The following CENPP variants were observed in gnomAD, a reference collection of about 807,000 sequenced individuals.
CENPP encodes centromere protein P.
Under a neutral mutation model 35.6 loss-of-function variants are expected in CENPP, and 24 were observed. The ratio of observed to expected loss-of-function variants is 0.67; its 90% confidence interval spans 0.49 to 0.95. CENPP has a LOEUF of 0.95. Among genes scored for constraint, CENPP ranks in the 40% least tolerant of loss-of-function variants. The pLI is 0.00. For missense variants in CENPP, 332 were observed against 345.3 expected (o/e 0.96, Z 0.31); for synonymous variants, 120 against 125.5 (o/e 0.96, Z 0.29).
chr9:92,469,178 C>T (rs1564338387), intron 5 of CENPP, among the ~76,000 whole-genome samples: 1 of 151,600 alleles, frequency 6.6e-6, no homozygotes, highest in East Asian at 1.9e-4. Context: ...TCCATTGTGT[C>T]ATTTCTGACT....
intron 5 of CENPP, among the ~76,000 whole-genome samples, chr9:92,606,040 C>A (rs112058985): frequency 0.036 from 5,453 of 152,208 alleles, 153 homozygotes; most frequent in Non-Finnish European, 0.053. Flanking sequence ...GCAGGCAGAT[C>A]CCTTGAGCCC....
chr9:92,611,508 C>T (rs2296669), intron 6 of CENPP, 115 bp downstream of exon 6: 224,385 of 767,958 alleles, frequency 0.29, 39,110 homozygotes, highest in African/African-American at 0.66. Flanking sequence ...AACTAAAGGT[C>T]GTCGGTTGGA....
intron 5 of CENPP, among the ~76,000 whole-genome samples, chr9:92,546,381 T>G (rs1477259597): frequency 6.6e-6 from 1 of 152,174 alleles, no homozygotes; most frequent in Non-Finnish European, 1.5e-5. Flanking sequence ...TTGCAATAAA[T>G]CTTGCTGCTG....
intron 5 of CENPP, among the ~76,000 whole-genome samples, chr9:92,499,473 G>A (rs1247713512): frequency 6.6e-6 from 1 of 152,186 alleles, no homozygotes; most frequent in East Asian, 1.9e-4. Context: ...ACATTCATCT[G>A]TGAGTGAAAC....
intron 5 of CENPP, among the ~76,000 whole-genome samples, chr9:92,599,037 T>C (rs1588307166): frequency 6.6e-6 from 1 of 151,370 alleles, no homozygotes; most frequent in African/African-American, 2.4e-5. Flanking sequence ...GAGGCGGAGG[T>C]TGCAGTGAAC....
intron 5 of CENPP, among the ~76,000 whole-genome samples, chr9:92,555,262 T>C (rs1276747609): frequency 7.0e-6 from 1 of 141,952 alleles, no homozygotes; most frequent in Non-Finnish European, 1.5e-5. Flanking sequence ...AGTTTCGCTC[T>C]TGTTGTCCAA....
chr9:92,612,403 T>G, intron 6 of CENPP, 120 bp from the exon 7 acceptor site: 2 of 728,262 alleles, frequency 2.7e-6, no homozygotes, highest in Non-Finnish European at 2.4e-6. Context: ...TGGCTGTGGA[T>G]TGGGGTTTCT....
intron 5 of CENPP, among the ~76,000 whole-genome samples, chr9:92,464,480 C>G (rs1453337722): frequency 6.6e-6 from 1 of 152,240 alleles, no homozygotes; most frequent in Admixed American, 6.5e-5. Context: ...AATGGCATGT[C>G]CATTCCTGCC....
intron 5 of CENPP, among the ~76,000 whole-genome samples, chr9:92,607,171 G>T (rs554245181): frequency 1.3e-5 from 2 of 151,828 alleles, no homozygotes; most frequent in Non-Finnish European, 2.9e-5. Flanking sequence ...GTAAATTTTT[G>T]TATTTGGTGT....
intron 5 of CENPP, among the ~76,000 whole-genome samples, chr9:92,573,022 T>C (rs977138828): frequency 2.0e-5 from 3 of 152,180 alleles, no homozygotes; most frequent in African/African-American, 4.8e-5. Flanking sequence ...TTAGCTTCTT[T>C]GCGATGGGTT....
At chr9:92,439,513 C>T (rs905955776) in intron 5 of CENPP, among the ~76,000 whole-genome samples, 19 of 152,150 alleles carry the variant, frequency 1.2e-4, no homozygotes, top group Admixed American at 3.9e-4. Flanking sequence ...AGGCCCTGGC[C>T]ACAGCTTTTC....
At position 92,345,718 on chromosome 9, in the gene CENPP, C is replaced by T. The variant is rs1841274267; in HGVS notation, c.398C>T (p.Ser133Phe). The T allele has an allele frequency of 1.9e-6, 3 of 1,587,378 alleles. No homozygotes were observed. Among genetic ancestry groups the T allele is most frequent in the African/African-American group, 1.3e-5 (1 of 74,428 alleles). Residue 133 changes from serine to phenylalanine, a missense_variant, in exon 4 of 8, where the codon TCT becomes TTT. Physicochemically the swap from Ser to Phe is radical, Grantham distance 155. Coordinates refer to ENST00000375587, the MANE Select transcript of CENPP (RefSeq NM_001012267.3). Reference sequence around the variant, plus strand: ...TTTTAGAATAAGGAGAGATTATCTTCTGCTGTTACTGACCTCAACATAATA... The same window carrying T: ...TTTTAGAATAAGGAGAGATTATCTTTTGCTGTTACTGACCTCAACATAATA... ...LEIQNKERLS[S>F]AVTDLNIIME...
intron 5 of CENPP, among the ~76,000 whole-genome samples, chr9:92,493,011 C>T (rs1337963014): frequency 6.6e-6 from 1 of 152,226 alleles, no homozygotes; most frequent in Non-Finnish European, 1.5e-5. Flanking sequence ...GAAGGAAAAA[C>T]AGGCAGCCTC....
At position 92,476,940 on chromosome 9, in the gene CENPP, T is replaced by C. The variant is rs1361191195; in HGVS notation, c.564+97081T>C. ...GGGCATACTCTGTCATTTTTTCTTA[T>C]CTAACCAGTATACAAATTACTGTTC... is the stretch of plus-strand genomic sequence containing the variant. On this transcript the variant is annotated intron_variant, in intron 5 of 7. Transcript: ENST00000375587. This position sits in a 1 kb window ranked among gnomAD's most constrained non-coding sequence, Gnocchi z 4.1. Among the ~76,000 whole-genome samples, 2 of 152,234 alleles carry C rather than the reference T, an allele frequency of 1.3e-5. No individual in the cohort carries two copies. The highest frequency in any genetic ancestry group is 4.8e-5 in the African/African-American group (2 of 41,462).
intron 4 of CENPP, among the ~76,000 whole-genome samples, chr9:92,355,371 G>GA (rs1554753366): frequency 1.4e-5 from 2 of 146,226 alleles, no homozygotes; most frequent in African/African-American, 5.0e-5. Context: ...TTGCATGTCT[G>GA]TTTTTTTTTT....
chr9:92,490,629 T>C (rs1341444877), intron 5 of CENPP, among the ~76,000 whole-genome samples: 1 of 152,240 alleles, frequency 6.6e-6, no homozygotes, highest in East Asian at 1.9e-4. Context: ...TATTTCATTC[T>C]TTTAAGTCAG....
chr9:92,586,518 T>C (rs386471162), intron 5 of CENPP, among the ~76,000 whole-genome samples: 1 of 152,072 alleles, frequency 6.6e-6, no homozygotes, highest in Non-Finnish European at 1.5e-5. Context: ...AAGAGTACAA[T>C]ATACGTGCCC....
chr9:92,617,772 C>G lies in CENPP; in HGVS notation c.*4623C>G, dbSNP rs919005177. 2 of 174,940 alleles carry G rather than the reference C, an allele frequency of 1.1e-5. No individual in the cohort carries two copies. The highest frequency in any genetic ancestry group is 1.1e-4 in the Admixed American group (2 of 18,182). The allele number at this position is 174,940 out of a possible 1,614,324, so 10.8% of individuals were successfully genotyped here. A position where few individuals can be genotyped will look rare whatever the true frequency, so the allele number is the denominator to read the frequency against. ...TCAAATGGGAGGTCGAGAGGAGCAT[C>G]AGGGTTTAGGCCGGGAAGCTGTGGC... On this transcript the variant is annotated 3_prime_UTR_variant, in exon 8 of 8. Coordinates refer to ENST00000375587, the MANE Select transcript of CENPP (RefSeq NM_001012267.3).
chr9:92,554,795 G>A (rs1307026727), intron 5 of CENPP, among the ~76,000 whole-genome samples: 3 of 151,866 alleles, frequency 2.0e-5, no homozygotes, highest in Non-Finnish European at 2.9e-5. Flanking sequence ...CTGCCACTGC[G>A]CCCGGCTTAT....
Sources: gnomAD v4.1 joint callset for allele counts (sites outside exome capture counted in the v4.1 genomes callset) on GRCh38, gnomAD v4.1.1 for gene constraint, Gnocchi (gnomAD v3.1) non-coding constraint, MANE v1.5 for transcripts, NCBI Gene and HGNC (gene_info 2026-07-23, HGNC 2026-07-21) for gene names.